OTOF: variants seen among roughly 807,000 people sequenced by gnomAD.
OTOF encodes otoferlin.
In OTOF, 218 loss-of-function variants were observed where a neutral mutation model predicts 236.8. The observed-to-expected ratio is 0.92, with a 90% CI of 0.82 to 1.03. The LOEUF (loss-of-function observed/expected upper bound fraction) is 1.03. Ranked by LOEUF, OTOF falls within the 50% of genes least tolerant of loss-of-function variation. The pLI, the probability that OTOF is intolerant of heterozygous loss-of-function variation, is 0.00. For synonymous variants in OTOF, 1,041 were observed against 1,072.5 expected (o/e 0.97, Z 0.57); for missense variants, 2,590 against 2,694.4 (o/e 0.96, Z 0.86).
At chr2:26,483,378 G>C in intron 13 of OTOF, 84 bp downstream of exon 13, 2 of 1,283,154 alleles carry the variant, frequency 1.6e-6, no homozygotes, top group Non-Finnish European at 2.3e-6. Context: ...TACCTGCCCA[G>C]CTGCCCCAGG....
At position 26,479,322 on chromosome 2, in the gene OTOF, G is replaced by A. The variant is rs969473811; in HGVS notation, c.2156C>T (p.Pro719Leu). 8 of 1,612,268 alleles carry A rather than the reference G, an allele frequency of 5.0e-6. No individual in the cohort carries two copies. Among genetic ancestry groups the A allele is most frequent in the Non-Finnish European group, 5.9e-6 (7 of 1,179,816 alleles). ...KPCIYIKSWWPDQRRRLYNAN... is the reference protein window; with the variant it reads ...KPCIYIKSWWLDQRRRLYNAN... ...ATTGTAGAGGCGGCGGCGCTGGTCC[G>A]GCCACCAGCTCTTGATGTAGATGCA... Residue 719 changes from proline to leucine, a missense_variant, in exon 18 of 47, where the codon CCG becomes CTG. Physicochemically the swap from Pro to Leu is moderately conservative, Grantham distance 98. This residue lies in a region of OTOF where 1,379 missense variants were observed against 1,341.6 expected (regional missense o/e 1.03). Transcript: ENST00000272371.
rs80356605 is a variant in OTOF at position 26,460,203 on chromosome 2, C to T, written c.5816G>A (p.Arg1939Gln). 2.2e-5 allele frequency: 35 copies of T among 1,600,492 alleles called. No homozygotes were observed. The East Asian group carries it at 2.7e-4, about 12-fold the overall frequency. ...NEPDPLEKPNRPDTSFIWFLN... is the reference protein window; with the variant it reads ...NEPDPLEKPNQPDTSFIWFLN... ...GAACCAGATGAAGCTCGTGTCGGGC[C>T]GGCTGGAGTATGAAGGGTAGAGAGC... The change falls in exon 46 of 47, where the codon CGG becomes CAG. Residue 1939 changes from arginine to glutamine, a missense_variant and splice_region_variant. This residue lies in a region of OTOF where 1,211 missense variants were observed against 1,352.8 expected (regional missense o/e 0.90). Coordinates refer to ENST00000272371, the MANE Select transcript of OTOF (RefSeq NM_194248.3). The surrounding 1 kb of genome is among the most constrained non-coding windows in gnomAD (Gnocchi z 5.3).
chr2:26,477,380 C>T lies in OTOF; in HGVS notation c.2406+36G>A, dbSNP rs56284635. 0.084 allele frequency: 131,441 copies of T among 1,567,580 alleles called. 6,199 individuals carry two copies. Among genetic ancestry groups the T allele is most frequent in the Non-Finnish European group, 0.089 (102,797 of 1,154,656 alleles). ...TGTGACACCTTCTCACAACCAGGCC[C>T]TCCCTCCAGCCCCCGCCGTCCAGTT... On this transcript the variant is annotated intron_variant, in intron 20 of 46. Transcript: ENST00000272371. This position sits in a 1 kb window ranked among gnomAD's most constrained non-coding sequence, Gnocchi z 4.7.
At position 26,555,328 on chromosome 2, in the gene OTOF, G is replaced by A. The variant is rs1290272482; in HGVS notation, c.79+3165C>T. 2.6e-5 allele frequency among the ~76,000 whole-genome samples: 4 copies of A among 152,266 alleles called. No homozygotes were observed. In the South Asian group the frequency reaches 6.2e-4, roughly 24 times the overall value. On this transcript the variant is annotated intron_variant, in intron 1 of 46. Coordinates refer to ENST00000272371, the MANE Select transcript of OTOF (RefSeq NM_194248.3). ...TGGCCTGCAGGCACAATAGAGATTC[G>A]CCCAGGACTCCCTATCTCCTGTCTG...
chr2:26,496,395 C>T (rs563354104), intron 8 of OTOF, among the ~76,000 whole-genome samples: 25 of 150,568 alleles, frequency 1.7e-4, no homozygotes, highest in Non-Finnish European at 2.9e-4. Context: ...CCACCCCGCC[C>T]GGCTAATTTT....
intron 11 of OTOF, among the ~76,000 whole-genome samples, chr2:26,488,222 G>A (rs1364367424): frequency 6.6e-6 from 1 of 152,162 alleles, no homozygotes. Context: ...ATTTCTCTTA[G>A]CCTCATTTAT....
Position 26,470,476 on chromosome 2 carries a change from C to T in OTOF, c.4023+117G>A. On this transcript the variant is annotated intron_variant, in intron 32 of 46. Transcript: ENST00000272371. This position sits in a 1 kb window ranked among gnomAD's most constrained non-coding sequence, Gnocchi z 4.3. ...TTTCAAGGATGTGAGACAAAACCAT[C>T]CCAAACTCACATGAATGGAGTTGGG... 1 of 1,035,766 alleles carries T rather than the reference C, an allele frequency of 9.7e-7. No homozygotes were observed. The highest frequency in any genetic ancestry group is 1.5e-6 in the Non-Finnish European group (1 of 662,402). The allele number at this position is 1,035,766 out of a possible 1,614,324, so 64.2% of individuals were successfully genotyped here.
At chr2:26,513,000 G>T (rs1666427357) in intron 5 of OTOF, among the ~76,000 whole-genome samples, 1 of 152,178 alleles carries the variant, frequency 6.6e-6, no homozygotes, top group Non-Finnish European at 1.5e-5. Context: ...ATTACCGGGG[G>T]CATTGTGCAA....
At chr2:26,547,710 C>A (rs944592267) in intron 1 of OTOF, among the ~76,000 whole-genome samples, 3 of 151,980 alleles carry the variant, frequency 2.0e-5, no homozygotes, top group African/African-American at 7.3e-5. Flanking sequence ...GTGGCACCTG[C>A]GTGTAGTCTC....
At position 26,558,687 on chromosome 2, in the gene OTOF, C is replaced by T. The variant is rs1558534393; in HGVS notation, c.-116G>A. 3 of 878,624 alleles carry T rather than the reference C, an allele frequency of 3.4e-6. No individual in the cohort carries two copies. The highest frequency in any genetic ancestry group is 5.4e-5 in the East Asian group (2 of 37,326). The allele number at this position is 878,624 out of a possible 1,614,324, so 54.4% of individuals were successfully genotyped here. A position where few individuals can be genotyped will look rare whatever the true frequency, so the allele number is the denominator to read the frequency against. ...CGCTGCCTCCTCCTCCTCCTCCCGA[C>T]CCCCCTCCGATGCTGCCCACAGAGA... is the stretch of plus-strand genomic sequence containing the variant. On this transcript the variant is annotated 5_prime_UTR_variant, in exon 1 of 47. Transcript: ENST00000272371.
At position 26,471,000 on chromosome 2, in the gene OTOF, C is replaced by T; in HGVS notation, c.3894+121G>A. The T allele has an allele frequency of 2.3e-6, 3 of 1,309,020 alleles. No individual in the cohort carries two copies. Among genetic ancestry groups the T allele is most frequent in the Non-Finnish European group, 3.3e-6 (3 of 905,324 alleles). The allele number at this position is 1,309,020 out of a possible 1,614,324, so 81.1% of individuals were successfully genotyped here. A position where few individuals can be genotyped will look rare whatever the true frequency, so the allele number is the denominator to read the frequency against. ...TCCACTGCATCTTAGGGGAGGTGTG[C>T]TGGCCCAAGCATGCGGGGGCTGGGG... On this transcript the variant is annotated intron_variant, in intron 31 of 46. Coordinates refer to ENST00000272371, the MANE Select transcript of OTOF (RefSeq NM_194248.3). This position sits in a 1 kb window ranked among gnomAD's most constrained non-coding sequence, Gnocchi z 4.3.
At chr2:26,546,748 G>GTTTTTTTTT (rs35627471) in intron 1 of OTOF, among the ~76,000 whole-genome samples, 1 of 142,138 alleles carries the variant, frequency 7.0e-6, no homozygotes. Context: ...TACATGTTTG[G>GTTTTTTTTT]TTTTTTTTTT....
chr2:26,516,689 G>A (rs935223886), intron 4 of OTOF, 90 bp from the exon 5 acceptor site: 14 of 1,363,370 alleles, frequency 1.0e-5, no homozygotes, highest in East Asian at 4.6e-5. Flanking sequence ...TTTACACAGC[G>A]CTTCCACACC....
chr2:26,533,402 G>A (rs570987147), intron 2 of OTOF, among the ~76,000 whole-genome samples: 11 of 152,156 alleles, frequency 7.2e-5, no homozygotes, highest in East Asian at 5.8e-4. Context: ...ACTTTCCCAG[G>A]GCACAAAGGC....
chr2:26,470,528 G>C lies in OTOF; in HGVS notation c.4023+65C>G. 1.3e-6 allele frequency: 2 copies of C among 1,532,754 alleles called. No individual in the cohort carries two copies. Among genetic ancestry groups the C allele is most frequent in the Non-Finnish European group, 1.8e-6 (2 of 1,106,424 alleles). The allele number at this position is 1,532,754 out of a possible 1,614,324, so 94.9% of individuals were successfully genotyped here. The stretch of plus-strand genomic sequence containing the variant: ...TCCAGCTCTTGGGGGCCGTGGGAAA[G>C]AAGCTGGACAGGAGGGTCTGAGTGT... On this transcript the variant is annotated intron_variant, in intron 32 of 46. Coordinates refer to ENST00000272371, the MANE Select transcript of OTOF (RefSeq NM_194248.3). The surrounding 1 kb of genome is among the most constrained non-coding windows in gnomAD (Gnocchi z 4.3).
At position 26,467,464 on chromosome 2, in the gene OTOF, C is replaced by T; in HGVS notation, c.4128G>A (p.Arg1376=). Reference sequence around the variant, plus strand: ...TCTTCTTCTTCTCCTCTTTGGCAGCCCTTGCCTTCTCCTTGCCCTTCATTG... The same window carrying T: ...TCTTCTTCTTCTCCTCTTTGGCAGCTCTTGCCTTCTCCTTGCCCTTCATTG... ...KGSMKGKEKA[R]AAKEEKKKKT... is the part of the protein sequence containing the mutation. The change falls in exon 34 of 47, where the codon AGG becomes AGA. Residue 1376 remains arginine (R), a synonymous_variant. Coordinates refer to ENST00000272371, the MANE Select transcript of OTOF (RefSeq NM_194248.3). 1 of 1,614,100 alleles carries T rather than the reference C, an allele frequency of 6.2e-7. No individual in the cohort carries two copies. Among genetic ancestry groups the T allele is most frequent in the Non-Finnish European group, 8.5e-7 (1 of 1,180,020 alleles).
At chr2:26,494,660 G>GT (rs1052825842) in intron 9 of OTOF, among the ~76,000 whole-genome samples, 1 of 136,552 alleles carries the variant, frequency 7.3e-6, no homozygotes, top group African/African-American at 2.6e-5. Flanking sequence ...GTGGGGTGGG[G>GT]GGGGGTTCTT....
In OTOF at chr2:26,470,454, CA is replaced by C. The variant is rs1664919951; in HGVS notation, c.4023+138del. ...GAAGGTGAGTTCTGAGCTAGGATTT[CA>C]AGGATGTGAGACAAAACCATCCCAA... On this transcript the variant is annotated intron_variant, in intron 32 of 46. Transcript: ENST00000272371. This position sits in a 1 kb window ranked among gnomAD's most constrained non-coding sequence, Gnocchi z 4.3. 2 of 847,896 alleles carry C rather than the reference CA, an allele frequency of 2.4e-6. No homozygotes were observed. The highest frequency in any genetic ancestry group is 4.0e-6 in the Non-Finnish European group (2 of 504,952). The allele number at this position is 847,896 out of a possible 1,614,324, so 52.5% of individuals were successfully genotyped here. A position where few individuals can be genotyped will look rare whatever the true frequency, so the allele number is the denominator to read the frequency against.
chr2:26,477,028 G>A lies in OTOF; in HGVS notation c.2539C>T (p.Pro847Ser). ...CTCATCATCCAGATGAAGATGTCGG[G>A]AATGCTGTGCTGGGGCTGGGGGTTG... ...FLADEPQHSI[P>S]DIFIWMMSNN... is the part of the protein sequence containing the mutation. The change falls in exon 22 of 47, where the codon CCC becomes TCC. Residue 847 changes from proline to serine, a missense_variant. Pro to Ser is a moderately conservative substitution (Grantham distance 74). This residue lies in a region of OTOF where 1,379 missense variants were observed against 1,341.6 expected (regional missense o/e 1.03). Transcript: ENST00000272371. The surrounding 1 kb of genome is among the most constrained non-coding windows in gnomAD (Gnocchi z 4.7). 1.3e-6 allele frequency: 2 copies of A among 1,525,124 alleles called. No homozygotes were observed. The highest frequency in any genetic ancestry group is 2.3e-5 in the South Asian group (2 of 87,722). 94.5% of individuals were successfully genotyped at this position (1,525,124 alleles called of 1,614,324 possible).
Sources: allele counts gnomAD v4.1 joint callset (sites outside exome capture counted in the v4.1 genomes callset), GRCh38; gene constraint gnomAD v4.1.1; regional missense constraint gnomAD v4.1.1; non-coding constraint Gnocchi (gnomAD v3.1); transcripts MANE v1.5; gene names NCBI Gene and HGNC (gene_info 2026-07-23, HGNC 2026-07-21).